Variants in BRWD1 observed in about 807,000 individuals in gnomAD.
BRWD1 encodes the protein bromodomain and WD repeat domain containing 1, also known as bromodomain and WD repeat-containing protein 1.
A neutral mutation model predicts 251.2 loss-of-function variants in BRWD1; 82 were observed. That is an observed-to-expected ratio of 0.33 (90% CI 0.27 to 0.39). BRWD1 has a LOEUF of 0.39. Ranked by LOEUF, BRWD1 falls within the 10% of genes least tolerant of loss-of-function variation. The probability of loss-of-function intolerance (pLI) is 1.00; values close to 1 mark genes in which losing one functional copy is unlikely to be tolerated. For missense variants in BRWD1, 2,233 were observed against 2,711.6 expected (o/e 0.82, Z 3.92); for synonymous variants, 918 against 902.8 (o/e 1.02, Z -0.30).
In BRWD1 at chr21:39,192,486, G is replaced by C; in HGVS notation, c.*3773C>G. ...TGATATCCACAGCAGAAATTCAGAGGTATAACTTCAACATTAACAGGTGAA... is the reference window on the plus strand; with the variant it reads ...TGATATCCACAGCAGAAATTCAGAGCTATAACTTCAACATTAACAGGTGAA... On this transcript the variant is annotated 3_prime_UTR_variant, in exon 41 of 41. Coordinates refer to ENST00000342449, the MANE Select transcript of BRWD1 (RefSeq NM_033656.4). The C allele has an allele frequency of 1.0e-6, 1 of 985,142 alleles. No individual in the cohort carries two copies. Among genetic ancestry groups the C allele is most frequent in the Non-Finnish European group, 1.2e-6 (1 of 829,772 alleles). The allele number at this position is 985,142 out of a possible 1,614,324, so 61.0% of individuals were successfully genotyped here.
In BRWD1 at chr21:39,194,641, G is replaced by C. The variant is rs1487813351; in HGVS notation, c.*1618C>G. On this transcript the variant is annotated 3_prime_UTR_variant, in exon 41 of 41. Transcript: ENST00000342449. The stretch of plus-strand genomic sequence containing the variant: ...AATGTACCTTCTACTATGTCAAATG[G>C]AATAGATAACTACAAAATAGGAACA... 8 of 1,532,036 alleles carry C rather than the reference G, an allele frequency of 5.2e-6. No homozygotes were observed. Among genetic ancestry groups the C allele is most frequent in the Non-Finnish European group, 7.0e-6 (8 of 1,144,462 alleles). 94.9% of individuals were successfully genotyped at this position (1,532,036 alleles called of 1,614,324 possible). A position where few individuals can be genotyped will look rare whatever the true frequency, so the allele number is the denominator to read the frequency against.
upstream of BRWD1, among the ~76,000 whole-genome samples, chr21:39,316,819 C>T (rs1230992475): frequency 1.3e-5 from 2 of 151,866 alleles, no homozygotes; most frequent in Non-Finnish European, 2.9e-5. Context: ...GTACCTGTAG[C>T]CCCAGCTACT....
At chr21:39,314,364 CG>C (rs1242103351), upstream of BRWD1, 2 of 455,458 alleles carry the variant, frequency 4.4e-6, no homozygotes, top group East Asian at 1.4e-4. Context: ...GGGTGCGAGT[CG>C]GGGGAGCAGC....
intron 11 of BRWD1, among the ~76,000 whole-genome samples, chr21:39,276,673 C>A (rs1333423980): frequency 1.3e-5 from 2 of 152,150 alleles, no homozygotes; most frequent in Non-Finnish European, 2.9e-5. Context: ...ATGGCCCAAC[C>A]CTGACCAGTA....
Position 39,193,609 on chromosome 21 carries a change from T to C in BRWD1, c.*2650A>G. On this transcript the variant is annotated 3_prime_UTR_variant, in exon 41 of 41. Coordinates refer to ENST00000342449, the MANE Select transcript of BRWD1 (RefSeq NM_033656.4). ...TGGACATACACAACCAAAGTAGTTT[T>C]TGTTTTTCACATACACCATTAAGTT... 1 of 985,580 alleles carries C rather than the reference T, an allele frequency of 1.0e-6. No individual in the cohort carries two copies. Among genetic ancestry groups the C allele is most frequent in the Non-Finnish European group, 1.2e-6 (1 of 829,728 alleles). 61.1% of individuals were successfully genotyped at this position (985,580 alleles called of 1,614,324 possible).
In BRWD1 at chr21:39,187,429, G is replaced by C; in HGVS notation, c.*8830C>G. On this transcript the variant is annotated 3_prime_UTR_variant, in exon 41 of 41. Coordinates refer to ENST00000342449, the MANE Select transcript of BRWD1 (RefSeq NM_033656.4). Reference sequence around the variant, plus strand: ...TCTAGGAACAAATTCTGAAAAATGAGTGAAAGTTCATGTAAATGCAAAAAT... The same window carrying C: ...TCTAGGAACAAATTCTGAAAAATGACTGAAAGTTCATGTAAATGCAAAAAT... 3 of 1,536,792 alleles carry C rather than the reference G, an allele frequency of 2.0e-6. No individual in the cohort carries two copies. The highest frequency in any genetic ancestry group is 1.7e-6 in the Non-Finnish European group (2 of 1,145,182).
chr21:39,193,391 C>G lies in BRWD1; in HGVS notation c.*2868G>C. 1 of 984,648 alleles carries G rather than the reference C, an allele frequency of 1.0e-6. No homozygotes were observed. The highest frequency in any genetic ancestry group is 1.2e-6 in the Non-Finnish European group (1 of 829,296). The allele number at this position is 984,648 out of a possible 1,614,324, so 61.0% of individuals were successfully genotyped here. A position where few individuals can be genotyped will look rare whatever the true frequency, so the allele number is the denominator to read the frequency against. ...TTCCTTTTATTCATAAGTTACTTCA[C>G]ATTGTAAGTATACCTTTTTAAATAA... On this transcript the variant is annotated 3_prime_UTR_variant, in exon 41 of 41. Transcript: ENST00000342449.
chr21:39,312,561 A>G, intron 4 of BRWD1: 1 of 325,062 alleles, frequency 3.1e-6, no homozygotes. Flanking sequence ...ACCCCCGCAG[A>G]GGCGGCCGCA....
chr21:39,271,937 G>A (rs529838146), intron 13 of BRWD1, among the ~76,000 whole-genome samples: 4 of 148,738 alleles, frequency 2.7e-5, no homozygotes, highest in Admixed American at 6.8e-5. Flanking sequence ...TACTTGGGAG[G>A]CTGAGGAAGG....
At chr21:39,205,773 AAAAT>A (rs2032358262) in intron 37 of BRWD1, among the ~76,000 whole-genome samples, 1 of 151,718 alleles carries the variant, frequency 6.6e-6, no homozygotes, top group African/African-American at 2.4e-5. Context: ...TCCGTCTCCA[AAAAT>A]AAATAAAAAA....
At chr21:39,273,244 A>G (rs985886961) in intron 13 of BRWD1, among the ~76,000 whole-genome samples, 5 of 152,172 alleles carry the variant, frequency 3.3e-5, no homozygotes, top group African/African-American at 1.2e-4. Flanking sequence ...CTTCACCCCC[A>G]TTCCCTTTAT....
chr21:39,320,110 C>T (rs2036733623), intron 1 of BRWD1, among the ~76,000 whole-genome samples: 1 of 152,182 alleles, frequency 6.6e-6, no homozygotes, highest in African/African-American at 2.4e-5. Context: ...GGCTCGCTTG[C>T]CCTTGAGTTT....
At chr21:39,213,408 CCAACATTTTCTTCACTTTA>C (rs2032749264) in intron 33 of BRWD1, 54 bp downstream of exon 33, 4 of 387,184 alleles carry the variant, frequency 1.0e-5, no homozygotes, top group Non-Finnish European at 1.4e-5. Context: ...TACTACAAAG[CCAACATTTTCTTCACTTTA>C]AAAATACCAT....
At chr21:39,291,878 G>A (rs2146741333) in intron 8 of BRWD1, among the ~76,000 whole-genome samples, 1 of 152,252 alleles carries the variant, frequency 6.6e-6, no homozygotes, top group East Asian at 1.9e-4. Context: ...CATTCCCCTG[G>A]GGAGCCAGCC....
intron 12 of BRWD1, among the ~76,000 whole-genome samples, chr21:39,275,115 A>G (rs540612232): frequency 2.0e-5 from 3 of 152,326 alleles, no homozygotes; most frequent in Admixed American, 6.5e-5. Flanking sequence ...GTATAGGAAA[A>G]TAAGAGCAAT....
intron 13 of BRWD1, 69 bp downstream of exon 13, chr21:39,274,304 CG>C: frequency 1.3e-5 from 13 of 991,684 alleles, no homozygotes; most frequent in Middle Eastern, 2.1e-4. Context: ...ACACAGAGAG[CG>C]AGAGAGAGAG....
downstream of BRWD1, chr21:39,184,782 A>C (rs1415511569): frequency 2.6e-5 from 4 of 152,216 alleles, no homozygotes; most frequent in Non-Finnish European, 5.9e-5. Flanking sequence ...GAAACTGGAT[A>C]TCCTTAGTGA....
Position 39,193,444 on chromosome 21 carries a change from T to C in BRWD1, c.*2815A>G, listed in dbSNP as rs1368997373. ...AGGACACGAAAAAAGAAAGCTTTGT[T>C]AACACTCATCTATCTTGTCAATGTT... is the stretch of plus-strand genomic sequence containing the variant. On this transcript the variant is annotated 3_prime_UTR_variant, in exon 41 of 41. Coordinates refer to ENST00000342449, the MANE Select transcript of BRWD1 (RefSeq NM_033656.4). 3.0e-6 allele frequency: 3 copies of C among 984,702 alleles called. No individual in the cohort carries two copies. Among genetic ancestry groups the C allele is most frequent in the East Asian group, 1.1e-4 (1 of 8,824 alleles). 61.0% of individuals were successfully genotyped at this position (984,702 alleles called of 1,614,324 possible). A position where few individuals can be genotyped will look rare whatever the true frequency, so the allele number is the denominator to read the frequency against.
intron 13 of BRWD1, among the ~76,000 whole-genome samples, chr21:39,272,008 CAAAAAAA>C (rs376900840): frequency 0.13 from 14,734 of 115,188 alleles, 901 homozygotes; most frequent in East Asian, 0.19. Context: ...CACTCCATTT[CAAAAAAA>C]AAAAAAAAAA....
Sources: allele counts gnomAD v4.1 joint callset (sites outside exome capture counted in the v4.1 genomes callset), GRCh38; gene constraint gnomAD v4.1.1; transcripts MANE v1.5; gene names NCBI Gene and HGNC (gene_info 2026-07-23, HGNC 2026-07-21).